FSTL5: variants seen among roughly 807,000 people sequenced by gnomAD.
FSTL5 encodes follistatin-related protein 5.
In FSTL5, 62 loss-of-function variants were observed where a neutral mutation model predicts 89.1. The ratio of observed to expected loss-of-function variants is 0.70; its 90% confidence interval spans 0.57 to 0.86. The LOEUF (loss-of-function observed/expected upper bound fraction) is 0.86. FSTL5 is among the 40% of genes least tolerant of loss of function. The probability of loss-of-function intolerance (pLI) is 0.00; values close to 1 mark genes in which losing one functional copy is unlikely to be tolerated. For missense variants in FSTL5, 1,057 were observed against 1,001.6 expected (o/e 1.06, Z -0.75); for synonymous variants, 383 against 346.2 (o/e 1.11, Z -1.18).
chr4:161,520,405 C>A (rs936015531), intron 10 of FSTL5, among the ~76,000 whole-genome samples: 7 of 151,516 alleles, frequency 4.6e-5, no homozygotes, highest in Non-Finnish European at 4.4e-5. Flanking sequence ...AGGAAATTGA[C>A]TACTTTAAAA....
At chr4:161,925,853 ATACTCT>A (rs1480890908) in intron 3 of FSTL5, among the ~76,000 whole-genome samples, 1 of 151,882 alleles carries the variant, frequency 6.6e-6, no homozygotes, top group Non-Finnish European at 1.5e-5. Context: ...TTCTCAAAAT[ATACTCT>A]TAAAATTTTC....
At chr4:161,702,155 C>T (rs548037863) in intron 6 of FSTL5, among the ~76,000 whole-genome samples, 1 of 152,132 alleles carries the variant, frequency 6.6e-6, no homozygotes, top group Admixed American at 6.6e-5. Flanking sequence ...ACATGAAATA[C>T]AAGCTACTTT....
In FSTL5 at chr4:161,576,864, G is replaced by T. The variant is rs575152640; in HGVS notation, c.1015+10591C>A. 2.6e-5 allele frequency among the ~76,000 whole-genome samples: 4 copies of T among 152,264 alleles called. No individual in the cohort carries two copies. In the South Asian group the frequency reaches 8.3e-4, roughly 32 times the overall value. On this transcript the variant is annotated intron_variant, in intron 8 of 15. Transcript: ENST00000306100. Reference sequence around the variant, plus strand: ...GAGGACTGAGGAAGGTAATCTTTAGGTAGGCATCCATAGGCTGGCTAATAT... The same window carrying T: ...GAGGACTGAGGAAGGTAATCTTTAGTTAGGCATCCATAGGCTGGCTAATAT...
At chr4:162,127,239 C>T (rs1048289248) in intron 1 of FSTL5, among the ~76,000 whole-genome samples, 10 of 152,146 alleles carry the variant, frequency 6.6e-5, no homozygotes, top group African/African-American at 1.9e-4. Flanking sequence ...AGTTATGCCT[C>T]GTACACCCCC....
chr4:161,828,139 G>T (rs544175043), intron 4 of FSTL5, among the ~76,000 whole-genome samples: 1 of 152,150 alleles, frequency 6.6e-6, no homozygotes, highest in African/African-American at 2.4e-5. Flanking sequence ...ACTTCCTGTC[G>T]GGTCTTCTAT....
At chr4:161,629,397 C>T (rs1398689139) in intron 7 of FSTL5, among the ~76,000 whole-genome samples, 5 of 151,942 alleles carry the variant, frequency 3.3e-5, no homozygotes, top group African/African-American at 7.2e-5. Flanking sequence ...GGCTGGAGTG[C>T]GATGGCATGA....
chr4:162,004,916 C>G (rs1736572365), intron 3 of FSTL5, among the ~76,000 whole-genome samples: 1 of 152,226 alleles, frequency 6.6e-6, no homozygotes, highest in South Asian at 2.1e-4. Context: ...TGTTCCTGCC[C>G]CATCCAATTC....
At chr4:161,621,288 A>G (rs995993123) in intron 7 of FSTL5, among the ~76,000 whole-genome samples, 1 of 151,906 alleles carries the variant, frequency 6.6e-6, no homozygotes. Context: ...ACACACACAC[A>G]CACACACACA....
intron 5 of FSTL5, among the ~76,000 whole-genome samples, chr4:161,769,097 T>G (rs1741118406): frequency 1.3e-5 from 2 of 151,818 alleles, no homozygotes; most frequent in South Asian, 4.1e-4. Context: ...CTAGAAGAAA[T>G]GGATAACTTT....
chr4:162,053,638 A>G (rs1738451202), intron 2 of FSTL5, among the ~76,000 whole-genome samples: 1 of 151,814 alleles, frequency 6.6e-6, no homozygotes, highest in Non-Finnish European at 1.5e-5. Flanking sequence ...ACAGAGAATT[A>G]CTAACACATG....
rs1491143302 is a variant in FSTL5 at position 162,027,472 on chromosome 4, T to TTA, written c.160+6151_160+6152dup. ...GTTTGTCAAAGTACCAATTATTATC[T>TTA]TATATATATAATGGCTTTCAGAATT... On this transcript the variant is annotated intron_variant, in intron 3 of 15. Transcript: ENST00000306100. Among the ~76,000 whole-genome samples the TTA allele has an allele frequency of 5.3e-5, 8 of 152,078 alleles. No individual in the cohort carries two copies. In the East Asian group the frequency reaches 1.5e-3, roughly 29 times the overall value.
At chr4:161,487,550 G>A (rs1392113457) in intron 12 of FSTL5, among the ~76,000 whole-genome samples, 1 of 152,042 alleles carries the variant, frequency 6.6e-6, no homozygotes, top group African/African-American at 2.4e-5. Flanking sequence ...AAATTTGCCT[G>A]GAGGATTTCA....
At chr4:161,765,620 C>T (rs1740966974) in intron 5 of FSTL5, among the ~76,000 whole-genome samples, 1 of 152,120 alleles carries the variant, frequency 6.6e-6, no homozygotes, top group African/African-American at 2.4e-5. Context: ...CTTATTCATG[C>T]TCACTTTTAA....
At chr4:161,827,361 G>A (rs1464337596) in intron 4 of FSTL5, among the ~76,000 whole-genome samples, 6 of 152,258 alleles carry the variant, frequency 3.9e-5, no homozygotes, top group Non-Finnish European at 7.3e-5. Flanking sequence ...TGGCAGGGGA[G>A]TGAAGTAAAC....
intron 4 of FSTL5, among the ~76,000 whole-genome samples, chr4:161,816,158 G>A (rs1730320694): frequency 6.6e-6 from 1 of 152,074 alleles, no homozygotes; most frequent in African/African-American, 2.4e-5. Flanking sequence ...CTGGACCCTG[G>A]CAAATAAACT....
intron 6 of FSTL5, among the ~76,000 whole-genome samples, chr4:161,753,569 C>G (rs1000904712): frequency 2.0e-5 from 3 of 151,862 alleles, no homozygotes; most frequent in Non-Finnish European, 2.9e-5. Context: ...CTATTTTTCT[C>G]AAACAAAGGT....
intron 3 of FSTL5, among the ~76,000 whole-genome samples, chr4:162,021,759 C>T (rs956781921): frequency 6.6e-6 from 1 of 151,952 alleles, no homozygotes; most frequent in Non-Finnish European, 1.5e-5. Context: ...AAATAATAGA[C>T]ATTGGAGATT....
rs115433869 is a variant in FSTL5, at chr4:161,723,734, G to T, written c.727+35677C>A. ...GAAACTAACACTATCCAGTGTCATT[G>T]CATAGGACTGATTTCTACACAGATG... On this transcript the variant is annotated intron_variant, in intron 6 of 15. Transcript: ENST00000306100. Among the ~76,000 whole-genome samples the T allele has an allele frequency of 7.0e-3, 1,072 of 152,220 alleles. 13 individuals carry two copies. Among genetic ancestry groups the T allele is most frequent in the African/African-American group, 0.025 (1,021 of 41,536 alleles).
In FSTL5 at chr4:161,674,208, C is replaced by T. The variant is rs1420598905; in HGVS notation, c.728-17714G>A. On this transcript the variant is annotated intron_variant, in intron 6 of 15. Coordinates refer to ENST00000306100, the MANE Select transcript of FSTL5 (RefSeq NM_020116.5). ...CAGATATATAAACATATTAAAAGCA[C>T]AAATATATACACATATATGTGTAAG... Among the ~76,000 whole-genome samples, 4 of 151,392 alleles carry T rather than the reference C, an allele frequency of 2.6e-5. No individual in the cohort carries two copies. The South Asian group carries it at 6.3e-4, about 24-fold the overall frequency.
Sources: gnomAD v4.1 joint callset for allele counts (sites outside exome capture counted in the v4.1 genomes callset) on GRCh38, gnomAD v4.1.1 for gene constraint, MANE v1.5 for transcripts, NCBI Gene and HGNC (gene_info 2026-07-23, HGNC 2026-07-21) for gene names.